Variants in TMEM217B observed in about 807,000 individuals in gnomAD.
TMEM217B encodes the protein transmembrane protein 217B.
chr6:37,219,166 A>T, the TMEM217B span: 1 of 839,022 alleles, frequency 1.2e-6, no homozygotes, highest in South Asian at 1.8e-5. Flanking sequence ...AAACTGGGAA[A>T]CTATAGCCTT....
At chr6:37,240,493 T>TGAGA in the TMEM217B span, among the ~76,000 whole-genome samples, 141 of 149,850 alleles carry the variant, frequency 9.4e-4, no homozygotes, top group Non-Finnish European at 1.1e-3. Context: ...GAGTAAGTGA[T>TGAGA]GAGAGAGAGA....
At chr6:37,255,304 G>C in the TMEM217B span, among the ~76,000 whole-genome samples, 1 of 152,136 alleles carries the variant, frequency 6.6e-6, no homozygotes, top group African/African-American at 2.4e-5. Flanking sequence ...GGTCTTTAAG[G>C]AGCTTGGATT....
chr6:37,233,023 C>G, the TMEM217B span, among the ~76,000 whole-genome samples: 1 of 152,184 alleles, frequency 6.6e-6, no homozygotes, highest in East Asian at 1.9e-4. Flanking sequence ...AATGCAATGT[C>G]CACTACACTG....
the TMEM217B span, among the ~76,000 whole-genome samples, chr6:37,232,390 G>C: frequency 9.9e-5 from 15 of 152,068 alleles, no homozygotes; most frequent in South Asian, 4.2e-4. Context: ...GTTTTGTTTT[G>C]TTTTCTTTTT....
chr6:37,247,391 T>C, the TMEM217B span, among the ~76,000 whole-genome samples: 9 of 1,766 alleles, frequency 5.1e-3, no homozygotes, highest in African/African-American at 0.09. Flanking sequence ...CTTTTTTACT[T>C]TTTTTTTTTT....
At chr6:37,212,430 G>A in the TMEM217B span, 2 of 420,024 alleles carry the variant, frequency 4.8e-6, no homozygotes, top group Non-Finnish European at 9.6e-6. Context: ...TTAACTTCCG[G>A]TACAACATTC....
the TMEM217B span, among the ~76,000 whole-genome samples, chr6:37,245,945 G>A: frequency 3.9e-5 from 6 of 151,936 alleles, no homozygotes; most frequent in Non-Finnish European, 7.4e-5. Context: ...AATCACAGGC[G>A]TGCACCACCA....
the TMEM217B span, among the ~76,000 whole-genome samples, chr6:37,256,027 G>T: frequency 6.6e-6 from 1 of 152,202 alleles, no homozygotes. Flanking sequence ...TTAAGAAAAA[G>T]GAGTATTTTG....
chr6:37,216,385 G>T, the TMEM217B span, among the ~76,000 whole-genome samples: 2 of 152,104 alleles, frequency 1.3e-5, no homozygotes, highest in Non-Finnish European at 2.9e-5. Context: ...GGCCCGATTT[G>T]CATTTTAGAA....
the TMEM217B span, among the ~76,000 whole-genome samples, chr6:37,247,155 T>C: frequency 2.0e-5 from 3 of 152,168 alleles, no homozygotes; most frequent in Non-Finnish European, 4.4e-5. Context: ...AAGTCTACTA[T>C]GATAGACCCC....
the TMEM217B span, among the ~76,000 whole-genome samples, chr6:37,238,976 A>G: frequency 1.9e-4 from 29 of 152,236 alleles, no homozygotes; most frequent in African/African-American, 5.3e-4. Flanking sequence ...CTAAAAATAC[A>G]AAAATTAGCC....
the TMEM217B span, among the ~76,000 whole-genome samples, chr6:37,244,912 G>A: frequency 6.6e-6 from 1 of 152,164 alleles, no homozygotes; most frequent in Admixed American, 6.5e-5. Context: ...GCTGAACTAG[G>A]ATGGCCTCAG....
At chr6:37,252,547 TTGTGAGGGG>T in the TMEM217B span, among the ~76,000 whole-genome samples, 1 of 150,972 alleles carries the variant, frequency 6.6e-6, no homozygotes, top group Non-Finnish European at 1.5e-5. Context: ...CATGTATATG[TTGTGAGGGG>T]TGTGAGGGGT....
the TMEM217B span, chr6:37,212,550 G>A: frequency 4.1e-5 from 19 of 460,528 alleles, no homozygotes; most frequent in Middle Eastern, 3.2e-4. Context: ...CATGCTTGAC[G>A]ATGAAGGGCA....
At chr6:37,226,519 G>C in the TMEM217B span, among the ~76,000 whole-genome samples, 3 of 150,422 alleles carry the variant, frequency 2.0e-5, no homozygotes, top group Non-Finnish European at 4.4e-5. Flanking sequence ...GGATGGTCTC[G>C]ATCTCCTGAC....
chr6:37,222,956 T>C, the TMEM217B span, among the ~76,000 whole-genome samples: 9 of 152,182 alleles, frequency 5.9e-5, no homozygotes, highest in Non-Finnish European at 1.2e-4. Flanking sequence ...ATAGAATTTC[T>C]AGAGATGAAA....
the TMEM217B span, among the ~76,000 whole-genome samples, chr6:37,221,225 C>T: frequency 4.7e-5 from 7 of 149,380 alleles, no homozygotes; most frequent in Non-Finnish European, 7.4e-5. Flanking sequence ...CTCGCTCTGT[C>T]GCCCAGGCTG....
the TMEM217B span, among the ~76,000 whole-genome samples, chr6:37,225,500 TAAAAA>T: frequency 6.6e-6 from 1 of 151,928 alleles, no homozygotes; most frequent in African/African-American, 2.4e-5. Context: ...AGGAAAAAAA[TAAAAA>T]GAGTGGAAAA....
At chr6:37,232,951 C>T in the TMEM217B span, among the ~76,000 whole-genome samples, 2 of 152,210 alleles carry the variant, frequency 1.3e-5, no homozygotes, top group Non-Finnish European at 2.9e-5. Flanking sequence ...AGACTGTTCT[C>T]ACTTTATACT....
Sources: allele counts gnomAD v4.1 joint callset (sites outside exome capture counted in the v4.1 genomes callset), GRCh38; gene constraint gnomAD v4.1.1; transcripts MANE v1.5; gene names NCBI Gene and HGNC (gene_info 2026-07-23, HGNC 2026-07-21).